Variants in CATSPERE observed in about 807,000 individuals in gnomAD.
CATSPERE encodes cation channel sperm-associated auxiliary subunit epsilon.
Under a neutral mutation model 114.1 loss-of-function variants are expected in CATSPERE, and 93 were observed. The observed-to-expected ratio is 0.81, with a 90% CI of 0.69 to 0.97. The LOEUF is 0.97. Among genes scored for constraint, CATSPERE ranks in the 50% least tolerant of loss-of-function variants. The pLI is 0.00. For missense variants in CATSPERE, 1,058 were observed against 1,131.6 expected, an observed-to-expected ratio of 0.93 and a Z score of 0.93; for synonymous variants, 341 against 384.1, an observed-to-expected ratio of 0.89 and a Z score of 1.31.
In CATSPERE at chr1:244,625,497, C is replaced by T. The variant is rs1360103830; in HGVS notation, c.2648+7811C>T. Among the ~76,000 whole-genome samples the T allele has an allele frequency of 9.0e-5, 11 of 122,432 alleles. No homozygotes were observed. The South Asian group carries it at 2.7e-3, about 29-fold the overall frequency. 80.3% of individuals were successfully genotyped at this position (122,432 alleles called of 152,430 possible). A position where few individuals can be genotyped will look rare whatever the true frequency, so the allele number is the denominator to read the frequency against. ...AGGCTGGAGTGCAGTGGTGCGATCTCGGCTCACTGCAACCTCCACCTCCAG... is the reference window on the plus strand; with the variant it reads ...AGGCTGGAGTGCAGTGGTGCGATCTTGGCTCACTGCAACCTCCACCTCCAG... On this transcript the variant is annotated intron_variant, in intron 20 of 21. Transcript: ENST00000366534.
intron 1 of CATSPERE, 103 bp downstream of exon 1, chr1:244,461,597 G>A (rs895448381): frequency 2.0e-5 from 19 of 949,944 alleles, no homozygotes; most frequent in Non-Finnish European, 2.4e-5. Flanking sequence ...GGGACCGCTC[G>A]CCCTGGCCGA....
chr1:244,543,271 A>G (rs1275425311), intron 8 of CATSPERE, among the ~76,000 whole-genome samples: 2 of 152,170 alleles, frequency 1.3e-5, no homozygotes, highest in Admixed American at 6.6e-5. Context: ...GATGTGATAT[A>G]TATATACACA....
At chr1:244,460,764 A>T (rs1666615709), upstream of CATSPERE, among the ~76,000 whole-genome samples, 1 of 152,148 alleles carries the variant, frequency 6.6e-6, no homozygotes, top group Non-Finnish European at 1.5e-5. Flanking sequence ...AAATACAAAA[A>T]TTAGCAGGGC....
intron 6 of CATSPERE, among the ~76,000 whole-genome samples, chr1:244,495,379 G>C (rs1380958255): frequency 1.3e-5 from 2 of 152,114 alleles, no homozygotes; most frequent in African/African-American, 4.8e-5. Context: ...TCGGCCTGTG[G>C]GAGTAAAGGG....
upstream of CATSPERE, chr1:244,457,491 A>C (rs1330464454): frequency 1.3e-5 from 2 of 152,200 alleles, no homozygotes; most frequent in African/African-American, 2.4e-5. Context: ...GATAAATGGC[A>C]GGGGAAAAAA....
rs561153407 is a variant in CATSPERE, at chr1:244,532,286, C to T, written c.536+13588C>T. Among the ~76,000 whole-genome samples, 4 of 150,378 alleles carry T rather than the reference C, an allele frequency of 2.7e-5. No individual in the cohort carries two copies. In the South Asian group the frequency reaches 8.4e-4, roughly 31 times the overall value. On this transcript the variant is annotated intron_variant, in intron 8 of 21. Coordinates refer to ENST00000366534, the MANE Select transcript of CATSPERE (RefSeq NM_001130957.2). Reference sequence around the variant, plus strand: ...TCATTTCATTGATCTTTTGTATTGCCTTCTTCATTTCAATTTAATTTATCT... The same window carrying T: ...TCATTTCATTGATCTTTTGTATTGCTTTCTTCATTTCAATTTAATTTATCT...
rs1226050441 is a variant in CATSPERE at position 244,504,679 on chromosome 1, C to T, written c.429+5600C>T. ...CCATTGGGATTCATCTGAGATTTTT[C>T]TCATAATCAGATTGGAGTTAGGTGT... is the stretch of plus-strand genomic sequence containing the variant. On this transcript the variant is annotated intron_variant, in intron 7 of 21. Coordinates refer to ENST00000366534, the MANE Select transcript of CATSPERE (RefSeq NM_001130957.2). The surrounding 1 kb of genome is among the most constrained non-coding windows in gnomAD (Gnocchi z 4.1). Among the ~76,000 whole-genome samples the T allele has an allele frequency of 6.6e-6, 1 of 152,132 alleles. No homozygotes were observed.
chr1:244,535,852 A>G (rs1053014898), intron 8 of CATSPERE, among the ~76,000 whole-genome samples: 1 of 151,906 alleles, frequency 6.6e-6, no homozygotes, highest in African/African-American at 2.4e-5. Flanking sequence ...CTCTCTTTGT[A>G]GCTGCCACAG....
chr1:244,625,203 A>C (rs1283435998), intron 20 of CATSPERE, among the ~76,000 whole-genome samples: 1 of 151,432 alleles, frequency 6.6e-6, no homozygotes, highest in Admixed American at 6.6e-5. Flanking sequence ...AAGACTTGGA[A>C]GTCAAACTTA....
chr1:244,468,074 T>G (rs1667895398), intron 2 of CATSPERE, among the ~76,000 whole-genome samples: 1 of 152,006 alleles, frequency 6.6e-6, no homozygotes, highest in Admixed American at 6.5e-5. Flanking sequence ...TGCCATGTAT[T>G]GGACCATTTT....
intron 8 of CATSPERE, among the ~76,000 whole-genome samples, chr1:244,529,372 A>G (rs576299303): frequency 1.3e-5 from 2 of 152,182 alleles, no homozygotes; most frequent in Non-Finnish European, 2.9e-5. Context: ...CTGGGGTGAG[A>G]TGATATTTCA....
At chr1:244,464,903 G>A (rs1403266108) in intron 2 of CATSPERE, among the ~76,000 whole-genome samples, 3 of 150,716 alleles carry the variant, frequency 2.0e-5, no homozygotes, top group East Asian at 1.9e-4. Flanking sequence ...ATCAAATGTT[G>A]GTTTCAAAGA....
intron 8 of CATSPERE, among the ~76,000 whole-genome samples, chr1:244,520,971 C>CT (rs748711718): frequency 6.6e-6 from 1 of 152,158 alleles, no homozygotes; most frequent in Non-Finnish European, 1.5e-5. Context: ...TACTGAAATT[C>CT]AGGCAAGAGC....
Position 244,640,186 on chromosome 1 carries a change from C to T in CATSPERE, c.*105C>T. On this transcript the variant is annotated 3_prime_UTR_variant, in exon 22 of 22. Coordinates refer to ENST00000366534, the MANE Select transcript of CATSPERE (RefSeq NM_001130957.2). ...TTGACCAAGAAATACTAAATATAAG[C>T]TCGTAGTAGGCATCACCAAATTCAA... is the stretch of plus-strand genomic sequence containing the variant. 3 of 678,436 alleles carry T rather than the reference C, an allele frequency of 4.4e-6. No homozygotes were observed. Among genetic ancestry groups the T allele is most frequent in the Middle Eastern group, 4.3e-4 (1 of 2,346 alleles). 42.0% of individuals were successfully genotyped at this position (678,436 alleles called of 1,614,324 possible). A position where few individuals can be genotyped will look rare whatever the true frequency, so the allele number is the denominator to read the frequency against.
chr1:244,498,905 TA>T (rs1278621610), intron 6 of CATSPERE, 96 bp from the exon 7 acceptor site: 5 of 908,998 alleles, frequency 5.5e-6, no homozygotes, highest in East Asian at 2.8e-5. Flanking sequence ...CTCAAAAAAA[TA>T]AAAAAATAAA....
intron 9 of CATSPERE, among the ~76,000 whole-genome samples, chr1:244,558,536 T>C (rs1396270226): frequency 6.6e-6 from 1 of 152,202 alleles, no homozygotes; most frequent in Admixed American, 6.5e-5. Context: ...AGTTATTTTC[T>C]CTTTAGACAT....
intron 19 of CATSPERE, among the ~76,000 whole-genome samples, chr1:244,616,239 G>A (rs371428043): frequency 1.1e-4 from 17 of 152,262 alleles, no homozygotes; most frequent in Admixed American, 4.6e-4. Flanking sequence ...AGAGCTTATC[G>A]TTATTGCCAT....
intron 20 of CATSPERE, among the ~76,000 whole-genome samples, chr1:244,635,184 CT>C (rs933617780): frequency 6.6e-5 from 10 of 152,152 alleles, no homozygotes; most frequent in South Asian, 2.1e-4. Context: ...TAAATGTTAG[CT>C]TTTTTTTATT....
intron 2 of CATSPERE, among the ~76,000 whole-genome samples, chr1:244,467,387 GAA>G (rs1191060665): frequency 2.0e-5 from 3 of 152,168 alleles, no homozygotes; most frequent in African/African-American, 7.2e-5. Context: ...AAAAATTAGT[GAA>G]GTGTGAATTA....
Sources: gnomAD v4.1 joint callset for allele counts (sites outside exome capture counted in the v4.1 genomes callset) on GRCh38, gnomAD v4.1.1 for gene constraint, Gnocchi (gnomAD v3.1) non-coding constraint, MANE v1.5 for transcripts, NCBI Gene and HGNC (gene_info 2026-07-23, HGNC 2026-07-21) for gene names.